SLC25A26: variants seen among roughly 807,000 people sequenced by gnomAD.
The protein encoded by SLC25A26 is solute carrier family 25 member 26, also known as mitochondrial S-adenosylmethionine carrier protein.
In SLC25A26, 36 loss-of-function variants were observed where a neutral mutation model predicts 37.8. That is an observed-to-expected ratio of 0.95 (90% CI 0.73 to 1.26). The LOEUF is 1.26. Among genes scored for constraint, SLC25A26 ranks in the 50% most tolerant of loss-of-function variants. SLC25A26 has a pLI of 0.00. For synonymous variants in SLC25A26, 129 were observed against 122.5 expected (o/e 1.05, Z -0.35); for missense variants, 390 against 331.1 (o/e 1.18, Z -1.38).
chr3:66,236,735 G>A (rs1344915351), intron 2 of SLC25A26, 35 bp downstream of exon 2: 1 of 1,442,678 alleles, frequency 6.9e-7, no homozygotes, highest in Non-Finnish European at 9.3e-7. Flanking sequence ...GTAAAGCCAA[G>A]ATAAGATGGG....
At chr3:66,274,540 A>C (rs2074066725) in intron 5 of SLC25A26, among the ~76,000 whole-genome samples, 2 of 152,214 alleles carry the variant, frequency 1.3e-5, no homozygotes, top group South Asian at 2.1e-4. Context: ...CAATGAACTC[A>C]AACAAATTTA....
intron 5 of SLC25A26, among the ~76,000 whole-genome samples, chr3:66,320,439 C>T (rs1262189426): frequency 6.6e-6 from 1 of 152,178 alleles, no homozygotes; most frequent in African/African-American, 2.4e-5. Context: ...GTCAGAACCC[C>T]ATTCCCTCTT....
intron 1 of SLC25A26, among the ~76,000 whole-genome samples, chr3:66,175,581 G>T (rs1358001507): frequency 3.3e-5 from 5 of 152,182 alleles, no homozygotes. Context: ...GAAGTCCGAA[G>T]ATCTGCAGGG....
At chr3:66,343,748 T>C (rs964758164) in intron 5 of SLC25A26, among the ~76,000 whole-genome samples, 5 of 152,244 alleles carry the variant, frequency 3.3e-5, no homozygotes, top group African/African-American at 1.2e-4. Flanking sequence ...ACCTTCTTAC[T>C]AATCCATAAT....
chr3:66,243,434 A>T, intron 3 of SLC25A26, 122 bp downstream of exon 3: 1 of 542,842 alleles, frequency 1.8e-6, no homozygotes, highest in Non-Finnish European at 3.2e-6. Flanking sequence ...AAATGGCAAT[A>T]AATGTAAATG....
At chr3:66,332,514 T>C (rs2076000982) in intron 5 of SLC25A26, among the ~76,000 whole-genome samples, 1 of 152,196 alleles carries the variant, frequency 6.6e-6, no homozygotes, top group Non-Finnish European at 1.5e-5. Context: ...AATTGAGATG[T>C]GCCTTACAAT....
At chr3:66,283,443 G>C (rs1022599306) in intron 5 of SLC25A26, among the ~76,000 whole-genome samples, 2 of 152,004 alleles carry the variant, frequency 1.3e-5, no homozygotes, top group East Asian at 3.9e-4. Flanking sequence ...ACCATACCTG[G>C]CTAATTTTTG....
At chr3:66,277,317 G>A (rs10470552) in intron 5 of SLC25A26, among the ~76,000 whole-genome samples, 1,941 of 152,152 alleles carry the variant, frequency 0.013, 44 homozygotes, top group African/African-American at 0.043. Flanking sequence ...CTGTAAATAT[G>A]TATAATGTAT....
chr3:66,315,472 G>A (rs538436091), intron 5 of SLC25A26, among the ~76,000 whole-genome samples: 27 of 152,214 alleles, frequency 1.8e-4, no homozygotes, highest in African/African-American at 6.0e-4. Context: ...TGATTGCATT[G>A]TGGTCTAAGA....
intron 6 of SLC25A26, among the ~76,000 whole-genome samples, chr3:66,353,770 A>G (rs1395807932): frequency 1.3e-5 from 2 of 152,056 alleles, no homozygotes; most frequent in Non-Finnish European, 2.9e-5. Flanking sequence ...TCAGAGACCA[A>G]CCCTGGAGAG....
At chr3:66,239,416 C>T (rs781921597) in intron 2 of SLC25A26, among the ~76,000 whole-genome samples, 14 of 152,342 alleles carry the variant, frequency 9.2e-5, no homozygotes, top group African/African-American at 3.4e-4. Context: ...CTCTCATCTA[C>T]ATTAGAAATC....
At chr3:66,171,127 T>C (rs1183709510) in intron 1 of SLC25A26, among the ~76,000 whole-genome samples, 1 of 152,160 alleles carries the variant, frequency 6.6e-6, no homozygotes, top group African/African-American at 2.4e-5. Context: ...ATTGAAAACA[T>C]TACTTTGTGT....
At chr3:66,180,045 T>G (rs2106753913) in intron 1 of SLC25A26, among the ~76,000 whole-genome samples, 1 of 152,320 alleles carries the variant, frequency 6.6e-6, no homozygotes, top group South Asian at 2.1e-4. Flanking sequence ...CTTTACTGGC[T>G]TCTGGCATCC....
In SLC25A26 at chr3:66,292,407, A is replaced by G. The variant is rs1301271279; in HGVS notation, c.453+29028A>G. 2.6e-5 allele frequency among the ~76,000 whole-genome samples: 4 copies of G among 152,140 alleles called. No homozygotes were observed. The South Asian group carries it at 6.2e-4, about 24-fold the overall frequency. ...CTTCGTAGTGTTGACGGTCTTTACA[A>G]TTTGGTATGTTTTTGCAGTGGCTGG... On this transcript the variant is annotated intron_variant, in intron 5 of 9. Transcript: ENST00000354883.
intron 1 of SLC25A26, among the ~76,000 whole-genome samples, chr3:66,215,841 G>T (rs2071352952): frequency 6.6e-6 from 1 of 152,130 alleles, no homozygotes; most frequent in Admixed American, 6.5e-5. Context: ...ATCCATTTGT[G>T]CTGCTATAAC....
chr3:66,329,667 C>T (rs998537105), intron 5 of SLC25A26, among the ~76,000 whole-genome samples: 7 of 152,138 alleles, frequency 4.6e-5, no homozygotes, highest in African/African-American at 1.2e-4. Flanking sequence ...CTAACAGACA[C>T]GAAAAGACCA....
chr3:66,348,019 A>G (rs2107746140), intron 6 of SLC25A26, among the ~76,000 whole-genome samples: 1 of 152,250 alleles, frequency 6.6e-6, no homozygotes, highest in South Asian at 2.1e-4. Flanking sequence ...TAGCTAACAC[A>G]TGCTGGGCTT....
At chr3:66,343,559 T>C (rs900782634) in intron 5 of SLC25A26, among the ~76,000 whole-genome samples, 6 of 152,202 alleles carry the variant, frequency 3.9e-5, no homozygotes, top group African/African-American at 1.4e-4. Flanking sequence ...ATGAATAACT[T>C]TCATTAGAGG....
At chr3:66,183,751 T>C (rs1039384012) in intron 1 of SLC25A26, among the ~76,000 whole-genome samples, 11 of 152,062 alleles carry the variant, frequency 7.2e-5, no homozygotes, top group Non-Finnish European at 1.2e-4. Flanking sequence ...ATTCTCACCA[T>C]GACCTGAGCT....
Sources: gnomAD v4.1 joint callset for allele counts (sites outside exome capture counted in the v4.1 genomes callset) on GRCh38, gnomAD v4.1.1 for gene constraint, MANE v1.5 for transcripts, NCBI Gene and HGNC (gene_info 2026-07-23, HGNC 2026-07-21) for gene names.